CCT7: variants seen among roughly 807,000 people sequenced by gnomAD.
The protein encoded by CCT7 is T-complex protein 1 subunit eta.
In CCT7, 16 loss-of-function variants were observed where a neutral mutation model predicts 56.6. The observed-to-expected ratio is 0.28, with a 90% CI of 0.19 to 0.43. CCT7 has a LOEUF of 0.43. Ranked by LOEUF, CCT7 falls within the 20% of genes least tolerant of loss-of-function variation. The pLI is 1.00. For synonymous variants in CCT7, 262 were observed against 254.8 expected, an observed-to-expected ratio of 1.03 and a Z score of -0.27; for missense variants, 519 against 685.6, an observed-to-expected ratio of 0.76 and a Z score of 2.71.
chr2:73,251,573 CCCT>C, intron 11 of CCT7, 141 bp downstream of exon 11: 2 of 694,840 alleles, frequency 2.9e-6, no homozygotes, highest in South Asian at 3.5e-5. Context: ...CTGACCAACT[CCCT>C]CCTCTGAGGG....
chr2:73,247,738 A>G (rs755940674), intron 6 of CCT7, 24 bp from the exon 7 acceptor site: 6 of 1,609,572 alleles, frequency 3.7e-6, no homozygotes, highest in Non-Finnish European at 5.1e-6. Flanking sequence ...CCAAACCATT[A>G]AAGTGTTTGT....
intron 3 of CCT7, among the ~76,000 whole-genome samples, chr2:73,241,033 C>CTTTT (rs35842378): frequency 1.6e-5 from 2 of 127,440 alleles, no homozygotes; most frequent in African/African-American, 3.0e-5. Flanking sequence ...CTACACCAGG[C>CTTTT]TTTTTTTTTT....
chr2:73,247,035 G>A (rs967059959), intron 6 of CCT7, among the ~76,000 whole-genome samples: 6 of 152,182 alleles, frequency 3.9e-5, no homozygotes, highest in African/African-American at 1.4e-4. Flanking sequence ...TCTCACGGTA[G>A]TGCTGAGTCA....
intron 9 of CCT7, 124 bp from the exon 10 acceptor site, chr2:73,250,182 T>C (rs971730415): frequency 1.2e-4 from 151 of 1,210,708 alleles, no homozygotes; most frequent in Non-Finnish European, 1.7e-4. Context: ...AGGTTGGGAT[T>C]GGGTAACCTG....
rs781684672 is a variant in CCT7 at position 73,247,931 on chromosome 2, G to A, written c.783+5G>A. 30 of 1,612,054 alleles carry A rather than the reference G, an allele frequency of 1.9e-5. No individual in the cohort carries two copies. Among genetic ancestry groups the A allele is most frequent in the Non-Finnish European group, 2.5e-5 (29 of 1,178,282 alleles). Reference sequence around the variant, plus strand: ...ATAAGAGTCCACACAGTTGAGGTAGGTGGGTTCACCAGTTGGTGGGGGCAT... The same window carrying A: ...ATAAGAGTCCACACAGTTGAGGTAGATGGGTTCACCAGTTGGTGGGGGCAT... On this transcript the variant is annotated splice_donor_5th_base_variant and intron_variant, in intron 7 of 11. Coordinates refer to ENST00000258091, the MANE Select transcript of CCT7 (RefSeq NM_006429.4).
intron 11 of CCT7, 25 bp downstream of exon 11, chr2:73,251,457 T>C: frequency 3.1e-5 from 27 of 868,254 alleles, no homozygotes; most frequent in African/African-American, 5.1e-5. Flanking sequence ...TCCCCAGGGT[T>C]CAGGGTTTGG....
rs1036941527 is a variant in CCT7 at position 73,242,084 on chromosome 2, G to C, written c.268-920G>C. On this transcript the variant is annotated intron_variant, in intron 3 of 11. Transcript: ENST00000258091. ...TATAAAGAACTTTGGCTGGTCCTAGGACGTTTGTTTTAGTGTGATTTGACT... is the reference window on the plus strand; with the variant it reads ...TATAAAGAACTTTGGCTGGTCCTAGCACGTTTGTTTTAGTGTGATTTGACT... Among the ~76,000 whole-genome samples the C allele has an allele frequency of 3.2e-4, 49 of 151,594 alleles. 1 individual carries two copies.
intron 1 of CCT7, 28 bp from the exon 2 acceptor site, chr2:73,239,614 TA>T: frequency 6.2e-7 from 1 of 1,606,016 alleles, no homozygotes; most frequent in South Asian, 1.1e-5. Flanking sequence ...AGATGATTAT[TA>T]AAAGCAGTTA....
In CCT7 at chr2:73,244,612, A is replaced by C. The variant is rs1446080801; in HGVS notation, c.515A>C (p.Lys172Thr). 4 of 1,613,878 alleles carry C rather than the reference A, an allele frequency of 2.5e-6. No homozygotes were observed. The highest frequency in any genetic ancestry group is 2.5e-6 in the Non-Finnish European group (3 of 1,179,824). Residue 172 changes from lysine (K) to threonine (T), a missense_variant, in exon 6 of 12, where the codon AAA (lysine) becomes ACA (threonine). Physicochemically the swap from Lys to Thr is moderately conservative, Grantham distance 78 (BLOSUM62 -1). Coordinates refer to ENST00000258091, the MANE Select transcript of CCT7 (RefSeq NM_006429.4). ...ALSSKLISQQ[K>T]AFFAKMVVDA... ...AGCTCCAAGCTGATCTCCCAGCAGA[A>C]AGCTTTCTTTGCTAAGATGGTGGTG...
At chr2:73,247,997 T>G in intron 7 of CCT7, 71 bp downstream of exon 7, 1 of 1,361,564 alleles carries the variant, frequency 7.3e-7, no homozygotes, top group Non-Finnish European at 1.0e-6. Flanking sequence ...TGGGTCTTCA[T>G]GGCTATTGTG....
intron 5 of CCT7, 169 bp downstream of exon 5, chr2:73,244,218 G>C (rs1687234800): frequency 2.8e-6 from 2 of 708,034 alleles, no homozygotes; most frequent in African/African-American, 3.6e-5. Flanking sequence ...AACCTTGACT[G>C]ACTTCCTGTG....
At chr2:73,250,526 T>C in intron 10 of CCT7, 88 bp downstream of exon 10, 1 of 1,485,968 alleles carries the variant, frequency 6.7e-7, no homozygotes, top group Non-Finnish European at 9.3e-7. Context: ...GGTGATTCCT[T>C]CTCTATATAA....
chr2:73,250,186 T>C lies in CCT7; in HGVS notation c.1071-120T>C, dbSNP rs1025969132. The C allele has an allele frequency of 9.6e-6, 12 of 1,249,096 alleles. No individual in the cohort carries two copies. In the Admixed American group the frequency reaches 1.3e-4, roughly 14 times the overall value. 77.4% of individuals were successfully genotyped at this position (1,249,096 alleles called of 1,614,324 possible). On this transcript the variant is annotated intron_variant, in intron 9 of 11. Coordinates refer to ENST00000258091, the MANE Select transcript of CCT7 (RefSeq NM_006429.4). Reference sequence around the variant, plus strand: ...AAATGTCTATAAGGTTGGGATTGGGTAACCTGAGTGAAGAATGTAAGAGCA... The same window carrying C: ...AAATGTCTATAAGGTTGGGATTGGGCAACCTGAGTGAAGAATGTAAGAGCA...
chr2:73,251,193 C>T, intron 10 of CCT7, 33 bp from the exon 11 acceptor site: 10 of 1,607,422 alleles, frequency 6.2e-6, no homozygotes, highest in Non-Finnish European at 8.5e-6. Flanking sequence ...ACCAGGGGCC[C>T]TCTTACATTG....
chr2:73,248,934 A>G, intron 7 of CCT7, 57 bp from the exon 8 acceptor site: 1 of 1,427,926 alleles, frequency 7.0e-7, no homozygotes, highest in South Asian at 1.2e-5. Context: ...ATTTTACCCT[A>G]CCGTATATGT....
chr2:73,250,652 T>C (rs1001169692), intron 10 of CCT7, among the ~76,000 whole-genome samples: 1 of 152,018 alleles, frequency 6.6e-6, no homozygotes, highest in African/African-American at 2.4e-5. Flanking sequence ...GACTTGTTCT[T>C]TTAGCCGGGC....
At chr2:73,236,026 A>G (rs75473823) in intron 1 of CCT7, among the ~76,000 whole-genome samples, 2 of 152,192 alleles carry the variant, frequency 1.3e-5, no homozygotes. Flanking sequence ...TGAAACTTCT[A>G]TCTCCAAGAG....
At chr2:73,241,397 CT>C (rs11312393) in intron 3 of CCT7, among the ~76,000 whole-genome samples, 54,881 of 147,388 alleles carry the variant, frequency 0.37, 9,917 homozygotes, top group African/African-American at 0.39. Context: ...CTATAGTAAC[CT>C]TTTTTTTTTT....
At chr2:73,235,974 T>C (rs1433289561) in intron 1 of CCT7, among the ~76,000 whole-genome samples, 1 of 152,244 alleles carries the variant, frequency 6.6e-6, no homozygotes, top group Non-Finnish European at 1.5e-5. Flanking sequence ...GACGTTTCCC[T>C]GCTGTATTGG....
Sources: allele counts gnomAD v4.1 joint callset (sites outside exome capture counted in the v4.1 genomes callset), GRCh38; gene constraint gnomAD v4.1.1; transcripts MANE v1.5; gene names NCBI Gene and HGNC (gene_info 2026-07-23, HGNC 2026-07-21).